Variants in SMC1B observed in about 807,000 individuals in gnomAD.
SMC1B encodes structural maintenance of chromosomes 1B, also known as structural maintenance of chromosomes protein 1B.
In SMC1B, 60 loss-of-function variants were observed where a neutral mutation model predicts 157.9. The ratio of observed to expected loss-of-function variants is 0.38; its 90% CI spans 0.31 to 0.47. SMC1B has a LOEUF of 0.47. Among genes scored for constraint, SMC1B ranks in the 20% least tolerant of loss-of-function variants. The pLI is 0.99. For synonymous variants in SMC1B, 445 were observed against 483.0 expected, an observed-to-expected ratio of 0.92 and a Z score of 1.03; for missense variants, 1,165 against 1,426.2, an observed-to-expected ratio of 0.82 and a Z score of 2.95.
In SMC1B at chr22:45,406,655, T is replaced by C. The variant is rs1256656834; in HGVS notation, c.420A>G (p.Val140=). 6.2e-7 allele frequency: 1 copy of C among 1,607,732 alleles called. No individual in the cohort carries two copies. Among genetic ancestry groups the C allele is most frequent in the Non-Finnish European group, 8.5e-7 (1 of 1,178,402 alleles). ...TGGGTTTCTTCACTGAAATTGACTCTACAGTTCCCTTTTAAAAACAGTAAT... is the reference window on the plus strand; with the variant it reads ...TGGGTTTCTTCACTGAAATTGACTCCACAGTTCCCTTTTAAAAACAGTAAT... ...AQNCLVFQGT[V]ESISVKKPKE... is the part of the protein sequence containing the mutation. The change falls in exon 4 of 25, where the codon GTA becomes GTG. Residue 140 remains valine (V), a synonymous_variant. Coordinates refer to ENST00000357450, the MANE Select transcript of SMC1B (RefSeq NM_148674.5).
rs1602099285 is a variant in SMC1B at position 45,406,367 on chromosome 22, ATCT to A, written c.615+90_615+92del. On this transcript the variant is annotated intron_variant, in intron 4 of 24. Transcript: ENST00000357450. ...TTAATTGTCTTATACTATTAAATTA[ATCT>A]TCTTGGTAAGCCCAAGCCCATACCT... 3 of 965,486 alleles carry A rather than the reference ATCT, an allele frequency of 3.1e-6. No individual in the cohort carries two copies. The South Asian group carries it at 5.1e-5, about 16-fold the overall frequency. The allele number at this position is 965,486 out of a possible 1,614,324, so 59.8% of individuals were successfully genotyped here. A position where few individuals can be genotyped will look rare whatever the true frequency, so the allele number is the denominator to read the frequency against.
intron 12 of SMC1B, among the ~76,000 whole-genome samples, chr22:45,374,582 A>T (rs1393374699): frequency 6.6e-6 from 1 of 152,220 alleles, no homozygotes; most frequent in Non-Finnish European, 1.5e-5. Context: ...TCTTGGTTAC[A>T]AGTCTTCAAA....
At chr22:45,382,132 T>C (rs1260622025) in intron 12 of SMC1B, among the ~76,000 whole-genome samples, 1 of 152,222 alleles carries the variant, frequency 6.6e-6, no homozygotes, top group Non-Finnish European at 1.5e-5. Context: ...GGAAGCATTA[T>C]TGAACTTCTT....
In SMC1B at chr22:45,408,745, C is replaced by G; in HGVS notation, c.263G>C (p.Ser88Thr). ...CCTTGCAAATGTTTTCTCTTCGCCACTTTCCTCCACATATATAATTTTTAC... is the reference window on the plus strand; with the variant it reads ...CCTTGCAAATGTTTTCTCTTCGCCAGTTTCCTCCACATATATAATTTTTAC... Reference protein sequence around the residue: ...ASVKIIYVEESGEEKTFARII... With the variant: ...ASVKIIYVEETGEEKTFARII... The change falls in exon 2 of 25, where the codon AGT becomes ACT. Residue 88 changes from serine (S) to threonine (T), a missense_variant. Ser to Thr is a moderately conservative substitution (Grantham distance 58, BLOSUM62 1). Transcript: ENST00000357450. The G allele has an allele frequency of 6.3e-7, 1 of 1,598,428 alleles. No homozygotes were observed. The highest frequency in any genetic ancestry group is 8.5e-7 in the Non-Finnish European group (1 of 1,175,202).
chr22:45,360,734 C>T (rs2086713586), intron 17 of SMC1B, among the ~76,000 whole-genome samples: 1 of 152,194 alleles, frequency 6.6e-6, no homozygotes. Context: ...ACTCCAAAAT[C>T]TTAGACAAAG....
At position 45,370,732 on chromosome 22, in the gene SMC1B, C is replaced by T. The variant is rs1468690214; in HGVS notation, c.2314-672G>A. 2.0e-5 allele frequency among the ~76,000 whole-genome samples: 3 copies of T among 152,166 alleles called. 1 individual carries two copies. Among genetic ancestry groups the T allele is most frequent in the African/African-American group, 7.2e-5 (3 of 41,442 alleles). On this transcript the variant is annotated intron_variant, in intron 14 of 24. Coordinates refer to ENST00000357450, the MANE Select transcript of SMC1B (RefSeq NM_148674.5). ...TATAAACATACAGACCCACAATATGCTGTACAGACAATATTTTGACATCAT... is the reference window on the plus strand; with the variant it reads ...TATAAACATACAGACCCACAATATGTTGTACAGACAATATTTTGACATCAT...
intron 4 of SMC1B, 117 bp from the exon 5 acceptor site, chr22:45,402,688 A>G (rs1201102081): frequency 7.8e-6 from 6 of 767,114 alleles, no homozygotes; most frequent in Non-Finnish European, 1.3e-5. Context: ...TTAGGACATA[A>G]TGTTCTTGCC....
chr22:45,372,718 T>TTTTTTTA (rs2086846320), intron 12 of SMC1B, among the ~76,000 whole-genome samples: 1 of 145,398 alleles, frequency 6.9e-6, no homozygotes, highest in African/African-American at 2.6e-5. Flanking sequence ...CTCCAGGTCT[T>TTTTTTTA]TTTTTTTTTT....
chr22:45,409,609 TAAAAA>T (rs1198606803), intron 1 of SMC1B, among the ~76,000 whole-genome samples: 3 of 84,298 alleles, frequency 3.6e-5, no homozygotes, highest in African/African-American at 1.2e-4. Context: ...AATAAATAAA[TAAAAA>T]CAAGAGAAGC....
rs779234812 is a variant in SMC1B, at chr22:45,358,806, T to C, written c.2863-11A>G. Reference sequence around the variant, plus strand: ...TGCTTCAGTTCCCATCTGAAAAATATGTGAACACATACATTTGTTGATTAA... The same window carrying C: ...TGCTTCAGTTCCCATCTGAAAAATACGTGAACACATACATTTGTTGATTAA... On this transcript the variant is annotated splice_polypyrimidine_tract_variant and intron_variant, in intron 18 of 24. Transcript: ENST00000357450. 3 of 1,583,126 alleles carry C rather than the reference T, an allele frequency of 1.9e-6. No individual in the cohort carries two copies. Among genetic ancestry groups the C allele is most frequent in the East Asian group, 4.5e-5 (2 of 44,628 alleles).
intron 6 of SMC1B, among the ~76,000 whole-genome samples, chr22:45,396,815 A>G (rs999408813): frequency 2.6e-5 from 4 of 152,052 alleles, no homozygotes; most frequent in African/African-American, 7.2e-5. Flanking sequence ...TATTATTCAT[A>G]AGGTAATCAT....
Position 45,408,953 on chromosome 22 carries a change from C to G in SMC1B, c.110-55G>C, listed in dbSNP as rs2087296848. On this transcript the variant is annotated intron_variant, in intron 1 of 24. Transcript: ENST00000357450. ...CATTCTTAATGATAAAAAGCCCTACCCAGAGCTGAAGAAATCAGGCCACCA... is the reference window on the plus strand; with the variant it reads ...CATTCTTAATGATAAAAAGCCCTACGCAGAGCTGAAGAAATCAGGCCACCA... 2.6e-6 allele frequency: 3 copies of G among 1,141,676 alleles called. No individual in the cohort carries two copies. The East Asian group carries it at 7.8e-5, about 30-fold the overall frequency. The allele number at this position is 1,141,676 out of a possible 1,614,324, so 70.7% of individuals were successfully genotyped here.
chr22:45,371,419 A>G (rs2086829992), intron 14 of SMC1B, 52 bp downstream of exon 14: 2 of 1,485,340 alleles, frequency 1.3e-6, no homozygotes, highest in Admixed American at 2.6e-5. Context: ...TAAATCTAGT[A>G]TCTGGTCTAG....
intron 11 of SMC1B, among the ~76,000 whole-genome samples, chr22:45,385,933 G>A (rs187878254): frequency 3.0e-4 from 45 of 152,088 alleles, no homozygotes; most frequent in African/African-American, 1.1e-3. Flanking sequence ...AGAAGTGCCT[G>A]CTTTTTGTTA....
At chr22:45,381,564 C>G (rs545671504) in intron 12 of SMC1B, among the ~76,000 whole-genome samples, 1 of 152,188 alleles carries the variant, frequency 6.6e-6, no homozygotes, top group Non-Finnish European at 1.5e-5. Flanking sequence ...CTTACCCAAG[C>G]ACTTTTCACA....
intron 23 of SMC1B, 52 bp from the exon 24 acceptor site, chr22:45,345,621 G>T: frequency 9.0e-7 from 1 of 1,113,608 alleles, no homozygotes; most frequent in Non-Finnish European, 1.4e-6. Flanking sequence ...CCTTGTCTGG[G>T]CTCTGGAGAC....
intron 20 of SMC1B, among the ~76,000 whole-genome samples, chr22:45,354,531 C>G (rs1315347577): frequency 6.6e-6 from 1 of 152,044 alleles, no homozygotes; most frequent in African/African-American, 2.4e-5. Context: ...GCTGGGACTA[C>G]AGGTGTGTGC....
rs1179817073 is a variant in SMC1B at position 45,412,255 on chromosome 22, C to T, written c.109+1204G>A. On this transcript the variant is annotated intron_variant, in intron 1 of 24. Transcript: ENST00000357450. ...CGCTCTTGTTACCCAGGCTGGAGTG[C>T]GGTGGTGCTATCTTGGCTCACTGCA... Among the ~76,000 whole-genome samples, 15 of 151,674 alleles carry T rather than the reference C, an allele frequency of 9.9e-5. No homozygotes were observed. The East Asian group carries it at 1.9e-3, about 20-fold the overall frequency.
chr22:45,405,818 C>T (rs956262330), intron 4 of SMC1B, among the ~76,000 whole-genome samples: 2 of 152,066 alleles, frequency 1.3e-5, no homozygotes, highest in Admixed American at 6.6e-5. Flanking sequence ...TTCAATGTGT[C>T]GACACATGCA....
Sources: allele counts gnomAD v4.1 joint callset (sites outside exome capture counted in the v4.1 genomes callset), GRCh38; gene constraint gnomAD v4.1.1; transcripts MANE v1.5; gene names NCBI Gene and HGNC (gene_info 2026-07-23, HGNC 2026-07-21).